Variants in TRIM33 observed in about 807,000 individuals in gnomAD.
The protein encoded by TRIM33 is E3 ubiquitin-protein ligase TRIM33.
In TRIM33, 20 loss-of-function variants were observed where a neutral mutation model predicts 125.4. The observed-to-expected ratio is 0.16, with a 90% CI of 0.11 to 0.23. The LOEUF (loss-of-function observed/expected upper bound fraction) is 0.23, where lower values mean the gene tolerates loss of function less well. Ranked by LOEUF, TRIM33 falls within the 10% of genes least tolerant of loss-of-function variation. The pLI is 1.00. For synonymous variants in TRIM33, 564 were observed against 513.9 expected, an observed-to-expected ratio of 1.10 and a Z score of -1.32; for missense variants, 920 against 1,411.4, an observed-to-expected ratio of 0.65 and a Z score of 5.58.
intron 4 of TRIM33, among the ~76,000 whole-genome samples, chr1:114,440,994 T>C (rs1648617195): frequency 6.6e-6 from 1 of 152,242 alleles, no homozygotes; most frequent in African/African-American, 2.4e-5. Context: ...CTTGTGACTC[T>C]TAAAAGACTT....
At chr1:114,493,493 C>T (rs1361523846) in intron 1 of TRIM33, among the ~76,000 whole-genome samples, 1 of 152,118 alleles carries the variant, frequency 6.6e-6, no homozygotes, top group Admixed American at 6.5e-5. Flanking sequence ...CTATGTTGCC[C>T]AAGCTGATCT....
chr1:114,433,254 A>G (rs1367571807), intron 5 of TRIM33, among the ~76,000 whole-genome samples: 1 of 152,212 alleles, frequency 6.6e-6, no homozygotes, highest in Non-Finnish European at 1.5e-5. Flanking sequence ...CTTGTTTTAC[A>G]AATGGGGAAA....
chr1:114,471,474 A>T (rs1650647085), intron 1 of TRIM33, among the ~76,000 whole-genome samples: 2 of 152,004 alleles, frequency 1.3e-5, no homozygotes, highest in Non-Finnish European at 2.9e-5. Flanking sequence ...GCCCTGCTAA[A>T]TTTAAATAAA....
intron 1 of TRIM33, among the ~76,000 whole-genome samples, chr1:114,501,629 G>A (rs1652726588): frequency 6.6e-6 from 1 of 151,302 alleles, no homozygotes; most frequent in Non-Finnish European, 1.5e-5. Context: ...AAAGGAACAA[G>A]GGGCCATCTT....
At chr1:114,486,613 A>G (rs2101514383) in intron 1 of TRIM33, among the ~76,000 whole-genome samples, 1 of 151,884 alleles carries the variant, frequency 6.6e-6, no homozygotes, top group South Asian at 2.1e-4. Flanking sequence ...TCAATAGACA[A>G]GAGAAGATAA....
At chr1:114,469,560 A>T (rs17032759) in intron 1 of TRIM33, among the ~76,000 whole-genome samples, 1,561 of 152,326 alleles carry the variant, frequency 0.01, 23 homozygotes, top group African/African-American at 0.035. Flanking sequence ...TTTAGTTCTT[A>T]TAACAGAGCA....
chr1:114,468,818 A>C (rs1572092318), intron 1 of TRIM33: 1 of 315,610 alleles, frequency 3.2e-6, no homozygotes, highest in East Asian at 9.2e-5. Flanking sequence ...CTGCTAGGGC[A>C]GTCTCAAATA....
At chr1:114,450,909 A>G (rs1025070640) in intron 4 of TRIM33, among the ~76,000 whole-genome samples, 3 of 152,052 alleles carry the variant, frequency 2.0e-5, no homozygotes, top group Non-Finnish European at 4.4e-5. Flanking sequence ...ATTTCCCAAC[A>G]TTTGTTTTCT....
At chr1:114,505,405 C>T (rs576034788) in intron 1 of TRIM33, among the ~76,000 whole-genome samples, 1 of 152,190 alleles carries the variant, frequency 6.6e-6, no homozygotes, top group East Asian at 1.9e-4. Flanking sequence ...CAAGAAATTC[C>T]GAGGGCTCAA....
intron 1 of TRIM33, among the ~76,000 whole-genome samples, chr1:114,478,094 AACT>A (rs1418268802): frequency 6.6e-6 from 1 of 152,226 alleles, no homozygotes; most frequent in Non-Finnish European, 1.5e-5. Context: ...ACAGGGAATC[AACT>A]ACTGTCATGC....
chr1:114,499,977 GC>G (rs1652612728), intron 1 of TRIM33, among the ~76,000 whole-genome samples: 1 of 152,156 alleles, frequency 6.6e-6, no homozygotes. Flanking sequence ...GACCAGCCTG[GC>G]CAACATGGTG....
intron 1 of TRIM33, among the ~76,000 whole-genome samples, chr1:114,506,542 G>T (rs1302682160): frequency 2.6e-5 from 4 of 152,058 alleles, no homozygotes; most frequent in Non-Finnish European, 5.9e-5. Context: ...TTTAAAAAAA[G>T]ATTTTTTGAG....
chr1:114,442,476 G>A (rs910545674), intron 4 of TRIM33, among the ~76,000 whole-genome samples: 1 of 152,002 alleles, frequency 6.6e-6, no homozygotes, highest in Non-Finnish European at 1.5e-5. Flanking sequence ...GATCACCTGA[G>A]GTCAGGAGTT....
chr1:114,503,536 TAAC>T (rs1382480424), intron 1 of TRIM33, among the ~76,000 whole-genome samples: 2 of 152,174 alleles, frequency 1.3e-5, no homozygotes, highest in African/African-American at 2.4e-5. Flanking sequence ...GTTTTGCACT[TAAC>T]ATCATGCATT....
rs960720986 is a variant in TRIM33, at chr1:114,397,021, C to T, written c.*627G>A. 9.1e-6 allele frequency: 2 copies of T among 218,710 alleles called. No individual in the cohort carries two copies. The highest frequency in any genetic ancestry group is 5.8e-5 in the Admixed American group (1 of 17,332). The allele number at this position is 218,710 out of a possible 1,614,324, so 13.5% of individuals were successfully genotyped here. On this transcript the variant is annotated 3_prime_UTR_variant, in exon 20 of 20. Transcript: ENST00000358465. ...AAATGATAACTAGTGGTAGTGTTTC[C>T]TAAACCCTAAGTATGAGTAGAAAAT...
chr1:114,451,297 T>TTTGCATGGCCTTAGATCATTCAATCCCA (rs1553213991), intron 4 of TRIM33, among the ~76,000 whole-genome samples: 1 of 151,766 alleles, frequency 6.6e-6, no homozygotes, highest in Non-Finnish European at 1.5e-5. Context: ...TCATATCTCC[T>TTTGCATGGCCTTAGATCATTCAATCCCA]TTGCATGGCC....
At chr1:114,407,263 G>A (rs1239245184) in intron 13 of TRIM33, among the ~76,000 whole-genome samples, 163 bp from the exon 14 acceptor site, 2 of 152,096 alleles carry the variant, frequency 1.3e-5, no homozygotes, top group African/African-American at 4.8e-5. Context: ...GTGGTATAAA[G>A]CCTAGCTTAA....
chr1:114,402,710 G>C, intron 16 of TRIM33, 50 bp downstream of exon 16: 1 of 1,586,986 alleles, frequency 6.3e-7, no homozygotes, highest in Non-Finnish European at 8.6e-7. Context: ...TGTATATATA[G>C]GCAGACAACT....
chr1:114,506,700 C>G (rs1221084244), intron 1 of TRIM33, among the ~76,000 whole-genome samples: 1 of 152,134 alleles, frequency 6.6e-6, no homozygotes, highest in Non-Finnish European at 1.5e-5. Flanking sequence ...TGTTCTGCCT[C>G]AACCTGAAAA....
Sources: allele counts gnomAD v4.1 joint callset (sites outside exome capture counted in the v4.1 genomes callset), GRCh38; gene constraint gnomAD v4.1.1; transcripts MANE v1.5; gene names NCBI Gene and HGNC (gene_info 2026-07-23, HGNC 2026-07-21).